The following HTT variants were observed in gnomAD, a reference collection of about 807,000 sequenced individuals.
The protein encoded by HTT is huntington disease protein.
HTT carries 104 observed loss-of-function variants against 362.3 expected under a neutral mutation model. That is an observed-to-expected ratio of 0.29 (90% confidence interval 0.24 to 0.34). The LOEUF (loss-of-function observed/expected upper bound fraction) is 0.34, where lower values mean the gene tolerates loss of function less well. Ranked by LOEUF, HTT falls within the 10% of genes least tolerant of loss-of-function variation. The pLI is 1.00. For synonymous variants in HTT, 1,577 were observed against 1,548.7 expected (o/e 1.02, Z -0.43); for missense variants, 3,301 against 3,928.6 (o/e 0.84, Z 4.27).
intron 1 of HTT, among the ~76,000 whole-genome samples, chr4:3,077,538 G>A (rs182924017): frequency 6.6e-6 from 1 of 152,236 alleles, no homozygotes; most frequent in Non-Finnish European, 1.5e-5. Context: ...TCCTGCCTCA[G>A]CCTTCTGAGT....
rs1359950799 is a variant in HTT, at chr4:3,131,735, CAAACTCTATA to C, written c.2199_2208del (p.Leu734PhefsTer18). 5 of 1,614,054 alleles carry C rather than the reference CAAACTCTATA, an allele frequency of 3.1e-6. No homozygotes were observed. The highest frequency in any genetic ancestry group is 3.4e-6 in the Non-Finnish European group (4 of 1,179,956). On this transcript the variant is annotated frameshift_variant, in exon 16 of 67. Transcript: ENST00000355072. LOFTEE classifies it high-confidence loss of function. ...CCCTCCACCCGGAATCTTTCTTCAG[CAAACTCTATA>C]AAGTTCCTCTTGACACCACGGAATA...
chr4:3,191,182 T>TCTTTC (rs397992133), intron 40 of HTT, among the ~76,000 whole-genome samples: 2 of 146,282 alleles, frequency 1.4e-5, no homozygotes, highest in Admixed American at 6.9e-5. Context: ...TTTCTTTCTT[T>TCTTTC]TTTTTTTTGA....
chr4:3,105,951 G>T (rs1433033092), intron 5 of HTT, among the ~76,000 whole-genome samples: 2 of 152,206 alleles, frequency 1.3e-5, no homozygotes, highest in Non-Finnish European at 2.9e-5. Flanking sequence ...CTTTTCATCA[G>T]CTCCCTCCTT....
At chr4:3,207,090 C>T in intron 44 of HTT, 107 bp downstream of exon 44, 1 of 1,190,616 alleles carries the variant, frequency 8.4e-7, no homozygotes, top group South Asian at 1.5e-5. Flanking sequence ...GACATGGTCA[C>T]CGATAGAAAC....
intron 29 of HTT, among the ~76,000 whole-genome samples, chr4:3,170,971 G>T (rs189757318): frequency 7.2e-5 from 11 of 152,268 alleles, no homozygotes; most frequent in Admixed American, 7.2e-4. Context: ...CTCTTGAAAG[G>T]CCAGAAACAG....
At chr4:3,186,842 T>C (rs909894828) in intron 38 of HTT, 123 bp downstream of exon 38, 79 of 494,190 alleles carry the variant, frequency 1.6e-4, no homozygotes, top group South Asian at 9.4e-4. Context: ...AGTTTGCTTT[T>C]TTTTTTTTTT....
chr4:3,192,315 C>T (rs1020420609), intron 40 of HTT, among the ~76,000 whole-genome samples: 7 of 152,084 alleles, frequency 4.6e-5, no homozygotes, highest in Non-Finnish European at 8.8e-5. Context: ...TAGCTTCAGG[C>T]GATCCTCCTG....
At chr4:3,176,147 C>T (rs1366163097) in intron 33 of HTT, among the ~76,000 whole-genome samples, 1 of 151,862 alleles carries the variant, frequency 6.6e-6, no homozygotes, top group African/African-American at 2.4e-5. Context: ...CCTGCCTCAG[C>T]CTCCCGAGTA....
chr4:3,158,676 G>C (rs1039667919), intron 28 of HTT, among the ~76,000 whole-genome samples: 1 of 151,580 alleles, frequency 6.6e-6, no homozygotes, highest in Non-Finnish European at 1.5e-5. Flanking sequence ...TTTATCAAAC[G>C]TATGTGGCTT....
At position 3,074,938 on chromosome 4, in the gene HTT, A is replaced by AGCCGCCGCCGCC. The variant is rs751462292; in HGVS notation, c.119_120insGCCGCCGCCGCC (p.Pro46_Pro49dup). 1 of 1,266,786 alleles carries AGCCGCCGCCGCC rather than the reference A, an allele frequency of 7.9e-7. No individual in the cohort carries two copies. The highest frequency in any genetic ancestry group is 1.0e-6 in the Non-Finnish European group (1 of 957,292). The allele number at this position is 1,266,786 out of a possible 1,614,324, so 78.5% of individuals were successfully genotyped here. A position where few individuals can be genotyped will look rare whatever the true frequency, so the allele number is the denominator to read the frequency against. On this transcript the variant is annotated inframe_insertion, in exon 1 of 67. Coordinates refer to ENST00000355072, the MANE Select transcript of HTT (RefSeq NM_001388492.1). ...CAGCAGCAGCAGCAGCAGCAGCAAC[A>AGCCGCCGCCGCC]GCCGCCACCGCCGCCGCCGCCGCCG... is the stretch of plus-strand genomic sequence containing the variant.
chr4:3,145,048 G>A, intron 23 of HTT, 104 bp from the exon 24 acceptor site: 1 of 905,458 alleles, frequency 1.1e-6, no homozygotes, highest in Non-Finnish European at 1.8e-6. Context: ...ACAGATCTCA[G>A]TTTTCTTCTC....
intron 57 of HTT, among the ~76,000 whole-genome samples, chr4:3,226,595 C>A (rs1355376747): frequency 6.6e-6 from 1 of 152,390 alleles, no homozygotes; most frequent in African/African-American, 2.4e-5. Context: ...TCCCTCCACC[C>A]CGGTGCTGTG....
Position 3,220,237 on chromosome 4 carries a change from C to T in HTT, c.7298C>T (p.Pro2433Leu). The T allele has an allele frequency of 6.2e-7, 1 of 1,614,140 alleles. No homozygotes were observed. Among genetic ancestry groups the T allele is most frequent in the Non-Finnish European group, 8.5e-7 (1 of 1,179,988 alleles). Residue 2433 changes from proline (P) to leucine (L), a missense_variant, in exon 53 of 67, where the codon CCT (proline) becomes CTT (leucine). Physicochemically the swap from Pro to Leu is moderately conservative, Grantham distance 98 (BLOSUM62 -3). Around this residue, in one of 4 missense-constraint regions of HTT, gnomAD observed 753 missense variants for 1,021.3 expected, o/e 0.74. Transcript: ENST00000355072. ...KPGGDFGTAFPEIPVEFLQEK... is the reference protein window; with the variant it reads ...KPGGDFGTAFLEIPVEFLQEK... ...GGAGGGGATTTTGGCACAGCATTCCCTGAGATCCCCGTGGAGTTCCTCCAG... is the reference window on the plus strand; with the variant it reads ...GGAGGGGATTTTGGCACAGCATTCCTTGAGATCCCCGTGGAGTTCCTCCAG...
At position 3,186,681 on chromosome 4, in the gene HTT, A is replaced by ATGC; in HGVS notation, c.4953_4955dup (p.Leu1653dup). The ATGC allele has an allele frequency of 6.2e-7, 1 of 1,613,792 alleles. No homozygotes were observed. The highest frequency in any genetic ancestry group is 1.1e-5 in the South Asian group (1 of 91,066). ...CCCTTCCTCCCTCCGTCCGGTAGAC[A>ATGC]TGCTTTTACGGAGTATGTTCGTCAC... On this transcript the variant is annotated inframe_insertion, in exon 38 of 67. Transcript: ENST00000355072.
rs1465858030 is a variant in HTT at position 3,218,250 on chromosome 4, C to CCA, written c.7242+302_7242+303dup. The stretch of plus-strand genomic sequence containing the variant: ...ACTTTGCTTAATAGCAGACCAGAAA[C>CCA]CACACCCCCTCGAGTGAGTGAGATT... On this transcript the variant is annotated intron_variant, in intron 52 of 66. Transcript: ENST00000355072. The surrounding 1 kb of genome is among the most constrained non-coding windows in gnomAD (Gnocchi z 4.4). Among the ~76,000 whole-genome samples, 2 of 152,222 alleles carry CCA rather than the reference C, an allele frequency of 1.3e-5. No individual in the cohort carries two copies. The highest frequency in any genetic ancestry group is 2.9e-5 in the Non-Finnish European group (2 of 68,046).
At chr4:3,172,660 G>A (rs1445756101) in intron 30 of HTT, among the ~76,000 whole-genome samples, 3 of 152,084 alleles carry the variant, frequency 2.0e-5, no homozygotes, top group Non-Finnish European at 4.4e-5. Flanking sequence ...CCAGTCCCTC[G>A]GAGTTTCTGT....
At chr4:3,106,969 T>G (rs1714464197) in intron 5 of HTT, among the ~76,000 whole-genome samples, 1 of 152,256 alleles carries the variant, frequency 6.6e-6, no homozygotes, top group Non-Finnish European at 1.5e-5. Flanking sequence ...TTTAAAAATT[T>G]TTGTTTTTAA....
At chr4:3,177,085 C>G (rs1578562836) in intron 33 of HTT, among the ~76,000 whole-genome samples, 1 of 152,184 alleles carries the variant, frequency 6.6e-6, no homozygotes, top group Non-Finnish European at 1.5e-5. Flanking sequence ...TCTGATGTCT[C>G]TTGGAATTTA....
Position 3,238,978 on chromosome 4 carries a change from T to C in HTT, c.9215T>C (p.Ile3072Thr). The change falls in exon 66 of 67, where the codon ATC becomes ACC. Residue 3072 changes from isoleucine (I) to threonine (T), a missense_variant and splice_region_variant. Physicochemically the swap from Ile to Thr is moderately conservative, Grantham distance 89. Transcript: ENST00000355072. ...SASTSPWVAA[I>T]LPHVISRMGK... Reference sequence around the variant, plus strand: ...TCCACCAGCCCGTGGGTCGCGGCGATGTATCCTCTCTGGGTCCCTGGTGCT... The same window carrying C: ...TCCACCAGCCCGTGGGTCGCGGCGACGTATCCTCTCTGGGTCCCTGGTGCT... The C allele has an allele frequency of 6.2e-7, 1 of 1,603,330 alleles. No individual in the cohort carries two copies.
Sources: allele counts gnomAD v4.1 joint callset (sites outside exome capture counted in the v4.1 genomes callset), GRCh38; gene constraint gnomAD v4.1.1; regional missense constraint gnomAD v4.1.1; non-coding constraint Gnocchi (gnomAD v3.1); transcripts MANE v1.5; gene names NCBI Gene and HGNC (gene_info 2026-07-23, HGNC 2026-07-21).